Variants in DLGAP2 observed in about 807,000 individuals in gnomAD.
The protein encoded by DLGAP2 is disks large-associated protein 2.
DLGAP2 carries 26 observed loss-of-function variants against 100.3 expected under a neutral mutation model. The ratio of observed to expected loss-of-function variants is 0.26; its 90% CI spans 0.19 to 0.36. The LOEUF (loss-of-function observed/expected upper bound fraction) is 0.36, where lower values mean the gene tolerates loss of function less well. DLGAP2 is among the 10% of genes least tolerant of loss of function. DLGAP2 has a pLI of 1.00. For missense variants in DLGAP2, 1,858 were observed against 1,453.2 expected (o/e 1.28, Z -4.53); for synonymous variants, 886 against 630.1 (o/e 1.41, Z -6.08).
chr8:1,676,649 C>A (rs1373829612), intron 11 of DLGAP2, 31 bp downstream of exon 11: 4 of 1,590,832 alleles, frequency 2.5e-6, no homozygotes. Context: ...ACGCGGTGAC[C>A]CCCGAGCGAG....
intron 3 of DLGAP2, among the ~76,000 whole-genome samples, chr8:1,415,834 C>A (rs1796868540): frequency 6.6e-6 from 1 of 152,158 alleles, no homozygotes; most frequent in African/African-American, 2.4e-5. Flanking sequence ...TGGGTATATA[C>A]CCAGTCATGG....
chr8:1,333,434 G>A (rs888317873), intron 3 of DLGAP2, among the ~76,000 whole-genome samples: 4 of 152,118 alleles, frequency 2.6e-5, no homozygotes, highest in Admixed American at 1.3e-4. Flanking sequence ...CTGTGATCTC[G>A]TCCCTGACAC....
chr8:1,444,721 T>C (rs1263965355), intron 3 of DLGAP2, among the ~76,000 whole-genome samples: 1 of 151,476 alleles, frequency 6.6e-6, no homozygotes, highest in Non-Finnish European at 1.5e-5. Context: ...TGCTTACTCC[T>C]GTAGTAGGCA....
intron 3 of DLGAP2, among the ~76,000 whole-genome samples, chr8:1,334,917 C>T (rs571406952): frequency 8.5e-5 from 13 of 152,322 alleles, no homozygotes; most frequent in South Asian, 4.1e-4. Context: ...GCCCTCCCTG[C>T]GGGGCACAAG....
intron 2 of DLGAP2, among the ~76,000 whole-genome samples, chr8:1,177,105 G>A (rs1018977175): frequency 6.6e-6 from 1 of 152,172 alleles, no homozygotes; most frequent in Non-Finnish European, 1.5e-5. Context: ...GGTCTAACCT[G>A]TTATACGTGG....
intron 12 of DLGAP2, chr8:1,680,887 G>C (rs548987564): frequency 1.8e-4 from 27 of 152,342 alleles, no homozygotes; most frequent in African/African-American, 6.3e-4. Flanking sequence ...TAAATTGCCA[G>C]CTCTGGTTTT....
At chr8:1,352,637 G>C (rs1288148935) in intron 3 of DLGAP2, among the ~76,000 whole-genome samples, 1 of 152,150 alleles carries the variant, frequency 6.6e-6, no homozygotes, top group African/African-American at 2.4e-5. Context: ...AATAAGCTTT[G>C]AGGTAAAGAC....
At chr8:1,533,699 A>G (rs1262825886) in intron 4 of DLGAP2, among the ~76,000 whole-genome samples, 1 of 152,212 alleles carries the variant, frequency 6.6e-6, no homozygotes, top group East Asian at 1.9e-4. Flanking sequence ...CTTAATTTTC[A>G]TAAAACTTCA....
intron 1 of DLGAP2, among the ~76,000 whole-genome samples, chr8:889,281 C>G (rs1185934928): frequency 6.6e-6 from 1 of 152,184 alleles, no homozygotes; most frequent in Non-Finnish European, 1.5e-5. Context: ...GGCTCAGAGG[C>G]CTGACAGCAG....
At chr8:1,295,082 G>T (rs1355839611) in intron 3 of DLGAP2, among the ~76,000 whole-genome samples, 1 of 152,128 alleles carries the variant, frequency 6.6e-6, no homozygotes, top group African/African-American at 2.4e-5. Context: ...ACAGCAAACA[G>T]GAAATCTACT....
rs143646849 is a variant in DLGAP2, at chr8:1,372,689, G to A, written c.106+113806G>A. On this transcript the variant is annotated intron_variant, in intron 3 of 14. Transcript: ENST00000637795. ...CAATGCTCTTCAATAAGTTGGACAT[G>A]GACGGCGTGGGCTAGAGGAAGATCA... Among the ~76,000 whole-genome samples, 45 of 152,306 alleles carry A rather than the reference G, an allele frequency of 3.0e-4. No individual in the cohort carries two copies. The East Asian group carries it at 7.9e-3, about 27-fold the overall frequency.
chr8:745,950 C>G (rs924737477), intron 1 of DLGAP2, among the ~76,000 whole-genome samples: 1 of 152,244 alleles, frequency 6.6e-6, no homozygotes, highest in African/African-American at 2.4e-5. Context: ...AGCGCCAGGC[C>G]ACCTGCCTAT....
intron 4 of DLGAP2, among the ~76,000 whole-genome samples, chr8:1,536,610 A>AT (rs1801161411): frequency 2.0e-5 from 3 of 152,140 alleles, no homozygotes; most frequent in African/African-American, 7.2e-5. Flanking sequence ...CCAGCCCTGC[A>AT]TCCTGACTGT....
chr8:1,486,150 A>AC (rs1799230961), intron 3 of DLGAP2, among the ~76,000 whole-genome samples: 1 of 152,162 alleles, frequency 6.6e-6, no homozygotes, highest in African/African-American at 2.4e-5. Context: ...CTTCAGAACC[A>AC]CCCTTGGCAC....
chr8:969,935 C>T (rs2134496), intron 2 of DLGAP2, among the ~76,000 whole-genome samples: 3,114 of 152,202 alleles, frequency 0.02, 110 homozygotes, highest in African/African-American at 0.07. Context: ...AGGTTATGTT[C>T]TTTTAATATT....
intron 2 of DLGAP2, among the ~76,000 whole-genome samples, chr8:927,658 C>T (rs377451783): frequency 9.5e-4 from 145 of 152,170 alleles, no homozygotes; most frequent in South Asian, 4.4e-3. Context: ...GGGTTGTTGT[C>T]GGCTGTCATA....
chr8:1,041,536 G>A (rs1802347289), intron 2 of DLGAP2, among the ~76,000 whole-genome samples: 2 of 150,852 alleles, frequency 1.3e-5, no homozygotes, highest in African/African-American at 2.4e-5. Context: ...CCCTTGCCGT[G>A]GGTGAGTGTT....
chr8:818,415 C>G (rs1346560048), intron 1 of DLGAP2, among the ~76,000 whole-genome samples: 1 of 152,174 alleles, frequency 6.6e-6, no homozygotes, highest in Non-Finnish European at 1.5e-5. Flanking sequence ...AGAATTTTCC[C>G]TGGAACTTTC....
At chr8:850,122 T>C (rs1472566348) in intron 1 of DLGAP2, among the ~76,000 whole-genome samples, 1 of 152,034 alleles carries the variant, frequency 6.6e-6, no homozygotes. Context: ...GACTTCCCTC[T>C]GTATTCTGGG....
Sources: allele counts gnomAD v4.1 joint callset (sites outside exome capture counted in the v4.1 genomes callset), GRCh38; gene constraint gnomAD v4.1.1; transcripts MANE v1.5; gene names NCBI Gene and HGNC (gene_info 2026-07-23, HGNC 2026-07-21).